INSL6: variants seen among roughly 807,000 people sequenced by gnomAD.
INSL6 encodes the protein insulin-like peptide INSL6.
INSL6 carries 16 observed loss-of-function variants against 9.4 expected under a neutral mutation model. The observed-to-expected ratio is 1.70, with a 90% CI of 1.15 to 2.59. INSL6 has a LOEUF of 2.59. Ranked by LOEUF, INSL6 falls within the 30% of genes most tolerant of loss-of-function variation. INSL6 has a pLI of 0.00. For missense variants in INSL6, 391 were observed against 257.3 expected (o/e 1.52, Z -3.56); for synonymous variants, 154 against 96.9 (o/e 1.59, Z -3.46).
chr9:5,023,536 G>A, the INSL6 span, among the ~76,000 whole-genome samples: 10 of 152,296 alleles, frequency 6.6e-5, no homozygotes, highest in African/African-American at 1.9e-4. Flanking sequence ...CCTGCAAGGG[G>A]CTAGGGTCTC....
chr9:5,181,820 A>C (rs1228671439), intron 1 of INSL6, among the ~76,000 whole-genome samples: 1 of 152,264 alleles, frequency 6.6e-6, no homozygotes, highest in Non-Finnish European at 1.5e-5. Context: ...AAAATCCAAA[A>C]GGTTAACATG....
At chr9:5,116,775 C>T in the INSL6 span, among the ~76,000 whole-genome samples, 2 of 152,252 alleles carry the variant, frequency 1.3e-5, no homozygotes, top group Admixed American at 1.3e-4. Flanking sequence ...ACGTGATAGG[C>T]AAATTCAACT....
intron 3 of INSL6, chr9:5,127,128 C>T: frequency 3.7e-6 from 1 of 267,910 alleles, no homozygotes; most frequent in Non-Finnish European, 7.1e-6. Context: ...GTAAATTTTG[C>T]AATGTTAAAG....
the INSL6 span, among the ~76,000 whole-genome samples, chr9:5,073,023 C>T: frequency 6.6e-6 from 1 of 152,128 alleles, no homozygotes; most frequent in Non-Finnish European, 1.5e-5. Flanking sequence ...ATCTAGATGC[C>T]TCTGGGCATC....
Position 5,163,988 on chromosome 9 carries a change from G to A in INSL6, c.567C>T (p.Ser189=). 1 of 1,612,620 alleles carries A rather than the reference G, an allele frequency of 6.2e-7. No homozygotes were observed. The highest frequency in any genetic ancestry group is 8.5e-7 in the Non-Finnish European group (1 of 1,179,648). The change falls in exon 2 of 2, where the codon AGC becomes AGT. Residue 189 remains serine (S), a synonymous_variant. Coordinates refer to ENST00000381641, the MANE Select transcript of INSL6 (RefSeq NM_007179.3). ...AATCAATATATGGAAGACATGCAATGCTAAGTTCTTCTTTTGTACATCCTG... is the reference window on the plus strand; with the variant it reads ...AATCAATATATGGAAGACATGCAATACTAAGTTCTTCTTTTGTACATCCTG... The part of the protein sequence containing the change: ...CLTGCTKEEL[S]IACLPYIDFK...
the INSL6 span, among the ~76,000 whole-genome samples, chr9:5,035,681 C>G: frequency 6.6e-6 from 1 of 152,184 alleles, no homozygotes; most frequent in Non-Finnish European, 1.5e-5. Flanking sequence ...AATTCAACAA[C>G]CCTTCATGCT....
chr9:5,159,228 G>C (rs1322313922), downstream of INSL6, among the ~76,000 whole-genome samples: 2 of 151,898 alleles, frequency 1.3e-5, no homozygotes, highest in East Asian at 1.9e-4. Flanking sequence ...AGAAAGAAAA[G>C]GCAGAGAAGA....
At position 5,131,435 on chromosome 9, in the gene INSL6, A is replaced by ATTTTTTTTTTTTTTTTTTT. The variant is rs550915336; in HGVS notation, c.*10+1971_*10+1989dup. 1.1e-4 allele frequency among the ~76,000 whole-genome samples: 13 copies of ATTTTTTTTTTTTTTTTTTT among 115,832 alleles called. 1 individual carries two copies. The highest frequency in any genetic ancestry group is 5.2e-4 in the African/African-American group (13 of 24,954). 76.0% of individuals were successfully genotyped at this position (115,832 alleles called of 152,430 possible). A position where few individuals can be genotyped will look rare whatever the true frequency, so the allele number is the denominator to read the frequency against. On this transcript the variant is annotated intron_variant, in intron 3 of 3. Transcript: ENST00000649639. ...AATTCTTTAACACCACCAGTTAACAATTTTTTTTTTTTTTTTTTTGAGACA... is the reference window on the plus strand; with the variant it reads ...AATTCTTTAACACCACCAGTTAACAATTTTTTTTTTTTTTTTTTTTTTTTTTTTTTTTTTTTTTGAGACA...
At chr9:5,032,801 CAG>C in the INSL6 span, among the ~76,000 whole-genome samples, 1 of 152,172 alleles carries the variant, frequency 6.6e-6, no homozygotes, top group Non-Finnish European at 1.5e-5. Context: ...GGGGAAAAAA[CAG>C]AGCAGAAAAA....
At chr9:5,041,283 A>G in the INSL6 span, 6 of 1,058,282 alleles carry the variant, frequency 5.7e-6, no homozygotes, top group South Asian at 8.2e-5. Context: ...GCCAAGGGGT[A>G]CACTGGTCTC....
chr9:5,079,028 T>C, the INSL6 span, among the ~76,000 whole-genome samples: 4 of 152,238 alleles, frequency 2.6e-5, no homozygotes, highest in African/African-American at 9.6e-5. Flanking sequence ...TAATTGGATG[T>C]TCTAAATTTA....
At chr9:5,013,090 C>T in the INSL6 span, among the ~76,000 whole-genome samples, 1 of 152,092 alleles carries the variant, frequency 6.6e-6, no homozygotes, top group Non-Finnish European at 1.5e-5. Flanking sequence ...AAAGGTTGAC[C>T]AAATTCTTTA....
the INSL6 span, among the ~76,000 whole-genome samples, chr9:5,003,094 T>C: frequency 6.6e-6 from 1 of 151,986 alleles, no homozygotes; most frequent in South Asian, 2.1e-4. Context: ...TGTCTATTTG[T>C]TCATTTTTGT....
chr9:5,130,861 T>A (rs918700483), intron 3 of INSL6, among the ~76,000 whole-genome samples: 1 of 150,624 alleles, frequency 6.6e-6, no homozygotes, highest in Non-Finnish European at 1.5e-5. Flanking sequence ...CCCGCGTAGC[T>A]GGGACTACAG....
At chr9:5,125,002 C>A (rs538825930) in intron 3 of INSL6, among the ~76,000 whole-genome samples, 1 of 151,104 alleles carries the variant, frequency 6.6e-6, no homozygotes, top group African/African-American at 2.4e-5. Flanking sequence ...TTTATTAAAT[C>A]CAGTAAGCTA....
the INSL6 span, chr9:5,054,972 T>A: frequency 1.1e-6 from 1 of 926,900 alleles, no homozygotes; most frequent in Non-Finnish European, 1.6e-6. This position sits in a 1 kb window ranked among gnomAD's most constrained non-coding sequence, Gnocchi z 4.9. Flanking sequence ...TGCAACATGG[T>A]ATTGCACTTC....
At chr9:5,165,877 C>G (rs1456356628) in intron 1 of INSL6, among the ~76,000 whole-genome samples, 1 of 152,204 alleles carries the variant, frequency 6.6e-6, no homozygotes, top group African/African-American at 2.4e-5. Flanking sequence ...CCAATAGTCT[C>G]TACTGTAGAG....
the INSL6 span, among the ~76,000 whole-genome samples, chr9:5,116,047 T>TA: frequency 1.3e-5 from 2 of 152,018 alleles, no homozygotes; most frequent in African/African-American, 4.8e-5. Flanking sequence ...TCCCAAAACT[T>TA]AAAGTATAAT....
At chr9:5,006,040 G>C in the INSL6 span, among the ~76,000 whole-genome samples, 5 of 152,168 alleles carry the variant, frequency 3.3e-5, no homozygotes, top group Non-Finnish European at 7.4e-5. Flanking sequence ...GAAAGTCATT[G>C]GTAGCTTGAT....
Sources: gnomAD v4.1 joint callset for allele counts (sites outside exome capture counted in the v4.1 genomes callset) on GRCh38, gnomAD v4.1.1 for gene constraint, Gnocchi (gnomAD v3.1) non-coding constraint, MANE v1.5 for transcripts, NCBI Gene and HGNC (gene_info 2026-07-23, HGNC 2026-07-21) for gene names.